LRRC8C: variants seen among roughly 807,000 people sequenced by gnomAD.
LRRC8C encodes volume-regulated anion channel subunit LRRC8C.
LRRC8C carries 20 observed loss-of-function variants against 55.3 expected under a neutral mutation model. The observed-to-expected ratio is 0.36, with a 90% CI of 0.25 to 0.53. The LOEUF (loss-of-function observed/expected upper bound fraction) is 0.53, where lower values mean the gene tolerates loss of function less well. Ranked by LOEUF, LRRC8C falls within the 20% of genes least tolerant of loss-of-function variation. The pLI is 0.92. For missense variants in LRRC8C, 659 were observed against 951.4 expected (o/e 0.69, Z 4.04); for synonymous variants, 376 against 360.7 (o/e 1.04, Z -0.48).
rs141752502 is a variant in LRRC8C at position 89,713,200 on chromosome 1, T to C, written c.630T>C (p.Ser210=). ...GTCCAGAAGACAGCCTGGTCAACTC[T>C]CAGTCTTTAAAGTCCATTCCTGAGA... ...QSGPEDSLVN[S]QSLKSIPEKF... The change falls in exon 3 of 3, where the codon TCT becomes TCC. Residue 210 remains serine (S), a synonymous_variant. Coordinates refer to ENST00000370454, the MANE Select transcript of LRRC8C (RefSeq NM_032270.5). This position sits in a 1 kb window ranked among gnomAD's most constrained non-coding sequence, Gnocchi z 5.2. 6.2e-7 allele frequency: 1 copy of C among 1,614,170 alleles called. No homozygotes were observed. The highest frequency in any genetic ancestry group is 1.3e-5 in the African/African-American group (1 of 75,040).
intron 2 of LRRC8C, 27 bp from the exon 3 acceptor site, chr1:89,712,682 T>C (rs915310134): frequency 6.5e-7 from 1 of 1,536,430 alleles, no homozygotes; most frequent in South Asian, 1.1e-5. Context: ...AGTAATATAA[T>C]TTGAAAATAT....
intron 2 of LRRC8C, among the ~76,000 whole-genome samples, chr1:89,689,695 CT>C (rs1657976557): frequency 6.6e-6 from 1 of 152,016 alleles, no homozygotes; most frequent in African/African-American, 2.4e-5. Flanking sequence ...AATCCCAACA[CT>C]TTGGGAGACC....
rs978658083 is a variant in LRRC8C, at chr1:89,644,211, A to G, written c.-5+10889A>G. Reference sequence around the variant, plus strand: ...TTTAGTTGAGACAAGGTCTCGCTCTATTGCCCAGGCTGGAGTGCAGGGGCA... The same window carrying G: ...TTTAGTTGAGACAAGGTCTCGCTCTGTTGCCCAGGCTGGAGTGCAGGGGCA... On this transcript the variant is annotated intron_variant, in intron 1 of 2. Transcript: ENST00000370454. Among the ~76,000 whole-genome samples the G allele has an allele frequency of 1.2e-4, 18 of 152,312 alleles. No individual in the cohort carries two copies. In the East Asian group the frequency reaches 1.4e-3, roughly 11 times the overall value.
Position 89,636,951 on chromosome 1 carries a change from A to G in LRRC8C, c.-5+3629A>G, listed in dbSNP as rs536325948. Among the ~76,000 whole-genome samples the G allele has an allele frequency of 3.1e-3, 474 of 152,286 alleles. 2 individuals carry two copies. The highest frequency in any genetic ancestry group is 4.7e-3 in the Non-Finnish European group (318 of 68,024). ...TTGGGATAATACACAGATGGTTTCT[A>G]TTTCCTGAATGAGAGACAAATCGGA... On this transcript the variant is annotated intron_variant, in intron 1 of 2. Transcript: ENST00000370454.
At chr1:89,685,091 C>CG (rs1657830051) in intron 1 of LRRC8C, among the ~76,000 whole-genome samples, 1 of 135,204 alleles carries the variant, frequency 7.4e-6, no homozygotes, top group South Asian at 2.4e-4. Flanking sequence ...TGTTTATTGT[C>CG]TATCTAGTTC....
At chr1:89,625,519 G>C in the LRRC8C span, among the ~76,000 whole-genome samples, 2 of 152,036 alleles carry the variant, frequency 1.3e-5, no homozygotes, top group Non-Finnish European at 2.9e-5. Flanking sequence ...AAATATGAGT[G>C]GATTCAGGAA....
chr1:89,649,538 C>A (rs755143086), intron 1 of LRRC8C, among the ~76,000 whole-genome samples: 1 of 151,942 alleles, frequency 6.6e-6, no homozygotes, highest in African/African-American at 2.4e-5. Context: ...TTAAGATTTT[C>A]TTATTCTAGA....
chr1:89,713,349 C>T lies in LRRC8C; in HGVS notation c.779C>T (p.Ala260Val). 1 of 1,614,200 alleles carries T rather than the reference C, an allele frequency of 6.2e-7. No homozygotes were observed. The highest frequency in any genetic ancestry group is 8.5e-7 in the Non-Finnish European group (1 of 1,180,042). Residue 260 changes from alanine to valine, a missense_variant, in exon 3 of 3, where the codon GCC (alanine) becomes GTC (valine). By Grantham distance (64) the Ala-to-Val change is moderately conservative (BLOSUM62 0). Around this residue, in one of 5 missense-constraint regions of LRRC8C, gnomAD observed 200 missense variants for 360.5 expected, o/e 0.55. Transcript: ENST00000370454. This position sits in a 1 kb window ranked among gnomAD's most constrained non-coding sequence, Gnocchi z 5.2. ...LHVEEGDILY[A>V]MYVRQTVLKV... ...GTGGAAGAAGGTGATATTCTATATG[C>T]CATGTATGTTCGCCAGACTGTACTT...
At chr1:89,694,936 T>C (rs1040893434) in intron 2 of LRRC8C, among the ~76,000 whole-genome samples, 1 of 150,930 alleles carries the variant, frequency 6.6e-6, no homozygotes, top group African/African-American at 2.4e-5. Context: ...TTTTTTTTTT[T>C]TTTTTGATAC....
At chr1:89,665,699 A>G (rs185749072) in intron 1 of LRRC8C, among the ~76,000 whole-genome samples, 1 of 152,224 alleles carries the variant, frequency 6.6e-6, no homozygotes, top group East Asian at 1.9e-4. Context: ...AAGAAAGAAA[A>G]ATTTTTTTTA....
At chr1:89,676,382 A>T (rs1657547598) in intron 1 of LRRC8C, 1 of 152,254 alleles carries the variant, frequency 6.6e-6, no homozygotes, top group South Asian at 2.1e-4. Flanking sequence ...CTTTGAAATT[A>T]TAAATTATTC....
chr1:89,621,125 T>C, the LRRC8C span, among the ~76,000 whole-genome samples: 5 of 152,094 alleles, frequency 3.3e-5, no homozygotes, highest in African/African-American at 1.2e-4. Context: ...GCTTATTAAA[T>C]GATTTCCTCA....
At position 89,680,714 on chromosome 1, in the gene LRRC8C, C is replaced by G. The variant is rs540286444; in HGVS notation, c.-4-5756C>G. 2.0e-5 allele frequency among the ~76,000 whole-genome samples: 3 copies of G among 152,124 alleles called. No individual in the cohort carries two copies. In the East Asian group the frequency reaches 5.8e-4, roughly 29 times the overall value. On this transcript the variant is annotated intron_variant, in intron 1 of 2. Coordinates refer to ENST00000370454, the MANE Select transcript of LRRC8C (RefSeq NM_032270.5). ...TAGCTGTGATTATAGGTACACACCA[C>G]CACATCTGGCTAAGTTTTGTATTTT...
chr1:89,662,105 T>G (rs934046188), intron 1 of LRRC8C, among the ~76,000 whole-genome samples: 4 of 152,102 alleles, frequency 2.6e-5, no homozygotes, highest in Admixed American at 2.6e-4. Context: ...GAAGAAGAAT[T>G]GTCTTGGGCC....
At chr1:89,669,291 C>T (rs974390562) in intron 1 of LRRC8C, among the ~76,000 whole-genome samples, 5 of 151,918 alleles carry the variant, frequency 3.3e-5, no homozygotes, top group Non-Finnish European at 5.9e-5. Context: ...GGGGAAATGG[C>T]GAGCTGTTAA....
intron 2 of LRRC8C, among the ~76,000 whole-genome samples, chr1:89,698,870 G>A (rs1003714420): frequency 2.6e-5 from 4 of 151,974 alleles, no homozygotes; most frequent in African/African-American, 9.7e-5. Flanking sequence ...TACTATATGG[G>A]TGTAAACTTC....
intron 2 of LRRC8C, among the ~76,000 whole-genome samples, chr1:89,705,355 A>G (rs2101339087): frequency 6.6e-6 from 1 of 151,728 alleles, no homozygotes; most frequent in Middle Eastern, 3.4e-3. Flanking sequence ...GCGCACCAGC[A>G]TGGCACATGT....
At chr1:89,642,565 A>G (rs1319046065) in intron 1 of LRRC8C, among the ~76,000 whole-genome samples, 6 of 151,916 alleles carry the variant, frequency 3.9e-5, no homozygotes, top group African/African-American at 1.5e-4. Flanking sequence ...AAATACAAAA[A>G]TTGGCCAGGC....
intron 1 of LRRC8C, among the ~76,000 whole-genome samples, chr1:89,642,733 G>A (rs10922682): frequency 0.56 from 84,731 of 151,920 alleles, 24,041 homozygotes; most frequent in East Asian, 0.79. Context: ...CTGTAATCCC[G>A]GCTACGCGGG....
Sources: allele counts gnomAD v4.1 joint callset (sites outside exome capture counted in the v4.1 genomes callset), GRCh38; gene constraint gnomAD v4.1.1; regional missense constraint gnomAD v4.1.1; non-coding constraint Gnocchi (gnomAD v3.1); transcripts MANE v1.5; gene names NCBI Gene and HGNC (gene_info 2026-07-23, HGNC 2026-07-21).